SPOCK3: variants seen among roughly 807,000 people sequenced by gnomAD.
The protein encoded by SPOCK3 is testican-3.
Under a neutral mutation model 56.6 loss-of-function variants are expected in SPOCK3, and 30 were observed. That is an observed-to-expected ratio of 0.53 (90% confidence interval 0.40 to 0.72). SPOCK3 has a LOEUF of 0.72. Ranked by LOEUF, SPOCK3 falls within the 30% of genes least tolerant of loss-of-function variation. The pLI is 0.00. For missense variants in SPOCK3, 527 were observed against 530.0 expected (o/e 0.99, Z 0.06); for synonymous variants, 196 against 183.3 (o/e 1.07, Z -0.56).
intron 2 of SPOCK3, among the ~76,000 whole-genome samples, chr4:167,216,549 T>C (rs1465882069): frequency 6.6e-6 from 1 of 152,056 alleles, no homozygotes; most frequent in African/African-American, 2.4e-5. Context: ...CCTGACAGGA[T>C]ATGCAAGCGA....
intron 2 of SPOCK3, among the ~76,000 whole-genome samples, chr4:167,158,198 AC>A (rs1404863823): frequency 2.6e-5 from 4 of 151,982 alleles, no homozygotes; most frequent in African/African-American, 9.7e-5. Context: ...TTAATCTCTA[AC>A]CTTAAATGAG....
At chr4:167,141,461 A>T (rs1763524740) in intron 2 of SPOCK3, among the ~76,000 whole-genome samples, 1 of 152,054 alleles carries the variant, frequency 6.6e-6, no homozygotes, top group South Asian at 2.1e-4. Flanking sequence ...CTCTAAAATC[A>T]GGGTCCCTCT....
At chr4:166,914,599 C>T (rs561447081) in intron 4 of SPOCK3, among the ~76,000 whole-genome samples, 4 of 152,090 alleles carry the variant, frequency 2.6e-5, no homozygotes, top group South Asian at 2.1e-4. Context: ...GGAGAAATCC[C>T]GTCTCTACTA....
chr4:166,768,903 T>G (rs1182065867), intron 7 of SPOCK3, among the ~76,000 whole-genome samples: 6 of 152,182 alleles, frequency 3.9e-5, no homozygotes, highest in African/African-American at 1.2e-4. Context: ...CCCTTTTTTC[T>G]CCAAGCTTCT....
intron 2 of SPOCK3, among the ~76,000 whole-genome samples, chr4:167,078,306 CTCTGTGTGTGTGTGTGTGTGTGTGTGTG>C (rs1757384402): frequency 8.3e-6 from 1 of 120,806 alleles, no homozygotes; most frequent in African/African-American, 3.2e-5. Context: ...CAGGTCATAA[CTCTGTGTGTGTGTGTGTGTGTGTGTGTG>C]TGTGTGTGTG....
intron 2 of SPOCK3, among the ~76,000 whole-genome samples, chr4:167,063,155 T>C (rs1755776530): frequency 6.6e-6 from 1 of 151,882 alleles, no homozygotes; most frequent in Non-Finnish European, 1.5e-5. Context: ...TAAAGTTTAA[T>C]TCTTTAATAT....
At chr4:166,954,657 G>T (rs1356196150) in intron 4 of SPOCK3, among the ~76,000 whole-genome samples, 3 of 152,048 alleles carry the variant, frequency 2.0e-5, no homozygotes, top group Non-Finnish European at 2.9e-5. Flanking sequence ...TAGTCCATTG[G>T]TCTGTGTTTC....
chr4:166,873,642 A>G (rs1732741120), intron 6 of SPOCK3, among the ~76,000 whole-genome samples: 1 of 152,202 alleles, frequency 6.6e-6, no homozygotes, highest in Non-Finnish European at 1.5e-5. Flanking sequence ...TTGGACTTTG[A>G]GAATCATAGT....
At chr4:167,188,133 A>G (rs1344134285) in intron 2 of SPOCK3, among the ~76,000 whole-genome samples, 2 of 145,570 alleles carry the variant, frequency 1.4e-5, no homozygotes, top group Non-Finnish European at 3.0e-5. Context: ...CACGACTGAA[A>G]GAATTTGAAG....
At chr4:167,037,525 C>A (rs890103517) in intron 3 of SPOCK3, among the ~76,000 whole-genome samples, 3 of 150,606 alleles carry the variant, frequency 2.0e-5, no homozygotes, top group African/African-American at 7.3e-5. Flanking sequence ...TTTACAGGAA[C>A]ACTGTCCACA....
chr4:166,736,719 G>C (rs959342619), intron 10 of SPOCK3, among the ~76,000 whole-genome samples: 1 of 151,538 alleles, frequency 6.6e-6, no homozygotes, highest in Non-Finnish European at 1.5e-5. Flanking sequence ...GTGTGTGTGC[G>C]CGTGTGTGTG....
At chr4:167,102,762 G>A (rs1040150999) in intron 2 of SPOCK3, among the ~76,000 whole-genome samples, 3 of 151,852 alleles carry the variant, frequency 2.0e-5, no homozygotes, top group East Asian at 2.0e-4. Context: ...GTCAAACCTC[G>A]CCACCATGGC....
At chr4:166,814,262 T>TA (rs1453655536) in intron 6 of SPOCK3, among the ~76,000 whole-genome samples, 3 of 152,174 alleles carry the variant, frequency 2.0e-5, no homozygotes, top group South Asian at 2.1e-4. Context: ...TTCCTAATCT[T>TA]AAAAAATCCT....
intron 2 of SPOCK3, among the ~76,000 whole-genome samples, chr4:167,188,461 AAT>A (rs1183151163): frequency 6.8e-6 from 1 of 146,236 alleles, no homozygotes; most frequent in Non-Finnish European, 1.5e-5. Context: ...ATTTATCATT[AAT>A]ATGTTACGAT....
At chr4:167,050,831 A>C (rs573709219) in intron 3 of SPOCK3, among the ~76,000 whole-genome samples, 1 of 152,250 alleles carries the variant, frequency 6.6e-6, no homozygotes, top group South Asian at 2.1e-4. Context: ...CTTATAGGAG[A>C]TGTCTGGAAA....
intron 7 of SPOCK3, among the ~76,000 whole-genome samples, chr4:166,755,288 G>A (rs186832430): frequency 6.6e-6 from 1 of 152,094 alleles, no homozygotes; most frequent in African/African-American, 2.4e-5. Flanking sequence ...CAGCCACTTG[G>A]TCTCCTGCTT....
chr4:167,048,296 T>A (rs778038344), intron 3 of SPOCK3, among the ~76,000 whole-genome samples: 2 of 151,902 alleles, frequency 1.3e-5, no homozygotes, highest in Non-Finnish European at 1.5e-5. Flanking sequence ...AGAGTTTACA[T>A]ACTAGATTGT....
At chr4:166,748,656 ATCT>A (rs1371276822) in intron 8 of SPOCK3, among the ~76,000 whole-genome samples, 1 of 137,544 alleles carries the variant, frequency 7.3e-6, no homozygotes, top group Non-Finnish European at 1.5e-5. Context: ...TAAACTTAAG[ATCT>A]TCTTCACAGC....
At chr4:166,829,218 G>C (rs1049758400) in intron 6 of SPOCK3, among the ~76,000 whole-genome samples, 17 of 151,956 alleles carry the variant, frequency 1.1e-4, no homozygotes, top group Non-Finnish European at 1.5e-5. Flanking sequence ...AACATGGCTC[G>C]ACACATCCAA....
Sources: gnomAD v4.1 joint callset for allele counts (sites outside exome capture counted in the v4.1 genomes callset) on GRCh38, gnomAD v4.1.1 for gene constraint, MANE v1.5 for transcripts, NCBI Gene and HGNC (gene_info 2026-07-23, HGNC 2026-07-21) for gene names.